Variants in LCLAT1 observed in about 807,000 individuals in gnomAD.
LCLAT1 encodes the protein 1-AGP acyltransferase 8.
LCLAT1 carries 11 observed loss-of-function variants against 30.7 expected under a neutral mutation model. The ratio of observed to expected loss-of-function variants is 0.36; its 90% CI spans 0.23 to 0.59. The LOEUF (loss-of-function observed/expected upper bound fraction) is 0.59, where lower values mean the gene tolerates loss of function less well. Among genes scored for constraint, LCLAT1 ranks in the 20% least tolerant of loss-of-function variants. LCLAT1 has a pLI of 0.77. For missense variants in LCLAT1, 402 were observed against 458.6 expected (o/e 0.88, Z 1.13); for synonymous variants, 155 against 151.3 (o/e 1.02, Z -0.18).
In LCLAT1 at chr2:30,640,909, C is replaced by T. The variant is rs1032035358; in HGVS notation, c.*290C>T. The stretch of plus-strand genomic sequence containing the variant: ...GGCTTTTAGCGACAAGGAACACACA[C>T]ATTTTTCTTAAAGGCCCAATCCTAA... On this transcript the variant is annotated 3_prime_UTR_variant, in exon 6 of 6. Coordinates refer to ENST00000379509, the MANE Select transcript of LCLAT1 (RefSeq NM_001002257.3). 1.9e-5 allele frequency: 6 copies of T among 315,384 alleles called. No individual in the cohort carries two copies. Among genetic ancestry groups the T allele is most frequent in the South Asian group, 6.8e-5 (2 of 29,462 alleles). 19.5% of individuals were successfully genotyped at this position (315,384 alleles called of 1,614,324 possible).
At chr2:30,593,480 G>T (rs1212603350) in intron 5 of LCLAT1, among the ~76,000 whole-genome samples, 1 of 152,164 alleles carries the variant, frequency 6.6e-6, no homozygotes, top group Non-Finnish European at 1.5e-5. Flanking sequence ...AAATCAAGCA[G>T]TGTGGTGCCT....
At chr2:30,536,068 T>C (rs1686226379) in intron 3 of LCLAT1, among the ~76,000 whole-genome samples, 1 of 151,766 alleles carries the variant, frequency 6.6e-6, no homozygotes, top group Admixed American at 6.6e-5. Context: ...AAGAAAGAAT[T>C]TCTGAACCTG....
At chr2:30,483,466 C>T (rs1019598503) in intron 1 of LCLAT1, among the ~76,000 whole-genome samples, 2 of 152,178 alleles carry the variant, frequency 1.3e-5, no homozygotes, top group African/African-American at 2.4e-5. Flanking sequence ...CTTAGTAGAT[C>T]TCACTGTCTT....
intron 3 of LCLAT1, chr2:30,552,343 G>A: frequency 6.9e-6 from 2 of 291,570 alleles, no homozygotes; most frequent in South Asian, 5.8e-5. Flanking sequence ...GTGGAGTCTA[G>A]TGAAATTTGT....
chr2:30,575,564 C>T (rs10208152), intron 5 of LCLAT1, among the ~76,000 whole-genome samples: 35,878 of 151,974 alleles, frequency 0.24, 4,732 homozygotes, highest in Non-Finnish European at 0.3. Context: ...TGCCAGAGGG[C>T]CACCTGAGGC....
At chr2:30,619,526 A>ACTT (rs1558560992) in intron 5 of LCLAT1, among the ~76,000 whole-genome samples, 1 of 152,210 alleles carries the variant, frequency 6.6e-6, no homozygotes, top group Non-Finnish European at 1.5e-5. Flanking sequence ...AATAAAAAAG[A>ACTT]TACTTTACTC....
At chr2:30,496,810 C>G (rs997443784) in intron 1 of LCLAT1, among the ~76,000 whole-genome samples, 1 of 152,286 alleles carries the variant, frequency 6.6e-6, no homozygotes, top group South Asian at 2.1e-4. Flanking sequence ...ATGCGGGATA[C>G]CATATACACT....
intron 3 of LCLAT1, among the ~76,000 whole-genome samples, chr2:30,540,825 C>T (rs564042142): frequency 1.3e-3 from 197 of 152,008 alleles, no homozygotes; most frequent in Non-Finnish European, 2.3e-3. Context: ...CCACCACGCC[C>T]GGCTACTTTT....
At chr2:30,486,936 A>G (rs953105068) in intron 1 of LCLAT1, among the ~76,000 whole-genome samples, 1 of 152,210 alleles carries the variant, frequency 6.6e-6, no homozygotes, top group East Asian at 1.9e-4. Context: ...GTTTGGTGCT[A>G]TTGGTTACTT....
intron 1 of LCLAT1, among the ~76,000 whole-genome samples, chr2:30,478,552 G>T (rs930243165): frequency 1.3e-5 from 2 of 152,076 alleles, no homozygotes; most frequent in African/African-American, 4.8e-5. Context: ...AGTGGTGTGT[G>T]CCTATAGTCC....
intron 1 of LCLAT1, among the ~76,000 whole-genome samples, chr2:30,475,429 A>G (rs1682998774): frequency 6.6e-6 from 1 of 152,194 alleles, no homozygotes; most frequent in East Asian, 1.9e-4. Flanking sequence ...TTAAATAAAC[A>G]TGTAACCGTT....
rs13383403 is a variant in LCLAT1 at position 30,468,015 on chromosome 2, A to T, written c.-5+20632A>T. Among the ~76,000 whole-genome samples, 1,442 of 152,286 alleles carry T rather than the reference A, an allele frequency of 9.5e-3. 22 individuals carry two copies. The highest frequency in any genetic ancestry group is 0.032 in the African/African-American group (1,317 of 41,560). On this transcript the variant is annotated intron_variant, in intron 1 of 5. Transcript: ENST00000379509. ...TGTTTTAGACATGAAGTCCTTGCCC[A>T]TGCCTATGTCCTGAATGGTATTGCC... is the stretch of plus-strand genomic sequence containing the variant.
chr2:30,547,965 C>G (rs1664503036), intron 3 of LCLAT1, among the ~76,000 whole-genome samples: 1 of 151,960 alleles, frequency 6.6e-6, no homozygotes, highest in Non-Finnish European at 1.5e-5. Context: ...TTTATGAAAA[C>G]CATCAAATAA....
intron 1 of LCLAT1, among the ~76,000 whole-genome samples, chr2:30,455,050 A>G (rs1681760299): frequency 6.6e-6 from 1 of 152,196 alleles, no homozygotes. Context: ...TTGTCTGTTG[A>G]GTAGGCTAAT....
intron 5 of LCLAT1, among the ~76,000 whole-genome samples, chr2:30,635,818 G>A (rs1026607456): frequency 5.3e-5 from 8 of 152,292 alleles, no homozygotes; most frequent in East Asian, 1.9e-4. Context: ...CAACTCAATC[G>A]AGAGAGCATT....
chr2:30,456,631 T>G (rs1016957441), intron 1 of LCLAT1, among the ~76,000 whole-genome samples: 5 of 152,168 alleles, frequency 3.3e-5, no homozygotes, highest in African/African-American at 1.2e-4. Context: ...TTTCTTTGGC[T>G]TAGGAGAGCA....
chr2:30,539,454 A>T (rs1477043513), intron 3 of LCLAT1, among the ~76,000 whole-genome samples: 2 of 151,960 alleles, frequency 1.3e-5, no homozygotes, highest in Non-Finnish European at 2.9e-5. Flanking sequence ...TTTAGAGCCA[A>T]GCATGTTTAG....
intron 3 of LCLAT1, among the ~76,000 whole-genome samples, chr2:30,538,063 A>G (rs1663887268): frequency 6.6e-6 from 1 of 152,188 alleles, no homozygotes; most frequent in Non-Finnish European, 1.5e-5. Context: ...CGAAACCTAT[A>G]GGATACAGCA....
intron 1 of LCLAT1, among the ~76,000 whole-genome samples, chr2:30,489,615 G>T (rs71444463): frequency 0.037 from 5,652 of 152,322 alleles, 135 homozygotes; most frequent in South Asian, 0.065. Flanking sequence ...GCCTCCCAAA[G>T]TGCTGGGATT....
Sources: allele counts gnomAD v4.1 joint callset (sites outside exome capture counted in the v4.1 genomes callset), GRCh38; gene constraint gnomAD v4.1.1; transcripts MANE v1.5; gene names NCBI Gene and HGNC (gene_info 2026-07-23, HGNC 2026-07-21).